SAMTOR: variants seen among roughly 807,000 people sequenced by gnomAD.
SAMTOR encodes the protein UPF0532 protein C7orf60.
At chr7:112,916,089 C>A in the SAMTOR span, among the ~76,000 whole-genome samples, 3 of 152,128 alleles carry the variant, frequency 2.0e-5, no homozygotes, top group Admixed American at 6.5e-5. Flanking sequence ...TCAAAAAAGT[C>A]AAAAACTGCC....
At chr7:112,922,729 T>C in the SAMTOR span, among the ~76,000 whole-genome samples, 1 of 146,844 alleles carries the variant, frequency 6.8e-6, no homozygotes, top group Non-Finnish European at 1.5e-5. Context: ...GCAGCCGCCC[T>C]GTCTGAGAAG....
the SAMTOR span, among the ~76,000 whole-genome samples, chr7:112,882,553 G>A: frequency 6.6e-6 from 1 of 151,958 alleles, no homozygotes; most frequent in Non-Finnish European, 1.5e-5. Context: ...GCTGGGTGTG[G>A]TGGCACGTGC....
chr7:112,859,056 G>A, the SAMTOR span, among the ~76,000 whole-genome samples: 1 of 152,112 alleles, frequency 6.6e-6, no homozygotes, highest in African/African-American at 2.4e-5. Flanking sequence ...ATCAGTTGAA[G>A]GCCTTAATAG....
At chr7:112,824,694 T>C in the SAMTOR span, among the ~76,000 whole-genome samples, 1 of 152,112 alleles carries the variant, frequency 6.6e-6, no homozygotes, top group South Asian at 2.1e-4. Flanking sequence ...TGTGGTATGG[T>C]TTGAAGTTTC....
chr7:112,847,922 T>A, the SAMTOR span, among the ~76,000 whole-genome samples: 2 of 152,184 alleles, frequency 1.3e-5, no homozygotes, highest in African/African-American at 4.8e-5. Context: ...GAGGACTGCT[T>A]GAGACCAGAA....
At chr7:112,927,812 A>G in the SAMTOR span, among the ~76,000 whole-genome samples, 4 of 152,050 alleles carry the variant, frequency 2.6e-5, no homozygotes, top group Non-Finnish European at 5.9e-5. Flanking sequence ...TAGTTATCCC[A>G]TAACATTTAA....
At chr7:112,834,971 G>A in the SAMTOR span, among the ~76,000 whole-genome samples, 1 of 152,078 alleles carries the variant, frequency 6.6e-6, no homozygotes, top group Non-Finnish European at 1.5e-5. Flanking sequence ...CCATACTCAC[G>A]TAATTTTTAT....
At chr7:112,881,566 G>A in the SAMTOR span, among the ~76,000 whole-genome samples, 1 of 152,126 alleles carries the variant, frequency 6.6e-6, no homozygotes, top group African/African-American at 2.4e-5. Context: ...AGGTCTCCTC[G>A]ACTCATTGGG....
the SAMTOR span, among the ~76,000 whole-genome samples, chr7:112,839,296 G>C: frequency 2.6e-5 from 4 of 151,854 alleles, no homozygotes; most frequent in Non-Finnish European, 5.9e-5. Flanking sequence ...AGAAAGGAAA[G>C]ATGTTTTTAC....
chr7:112,859,255 A>C, the SAMTOR span, among the ~76,000 whole-genome samples: 3 of 152,166 alleles, frequency 2.0e-5, no homozygotes, highest in African/African-American at 7.2e-5. Context: ...TGAGCCACAT[A>C]ACAACGTTTT....
the SAMTOR span, among the ~76,000 whole-genome samples, chr7:112,930,820 G>C: frequency 3.9e-5 from 6 of 152,182 alleles, no homozygotes; most frequent in Non-Finnish European, 7.3e-5. Flanking sequence ...TGAGGAAACT[G>C]AAGTAGAGCG....
the SAMTOR span, among the ~76,000 whole-genome samples, chr7:112,935,926 T>C: frequency 6.6e-6 from 1 of 152,134 alleles, no homozygotes; most frequent in Non-Finnish European, 1.5e-5. Flanking sequence ...AAAACACACA[T>C]GGCTCTACTT....
the SAMTOR span, among the ~76,000 whole-genome samples, chr7:112,859,383 G>A: frequency 2.0e-5 from 3 of 152,128 alleles, no homozygotes; most frequent in Non-Finnish European, 4.4e-5. Flanking sequence ...GGAGTTGCTG[G>A]TATAAACAAT....
At chr7:112,925,115 A>G in the SAMTOR span, among the ~76,000 whole-genome samples, 2 of 152,200 alleles carry the variant, frequency 1.3e-5, no homozygotes, top group Admixed American at 1.3e-4. Context: ...AACATCTTTC[A>G]GATGTAGTTA....
the SAMTOR span, among the ~76,000 whole-genome samples, chr7:112,931,499 T>G: frequency 6.6e-6 from 1 of 152,178 alleles, no homozygotes; most frequent in Non-Finnish European, 1.5e-5. Flanking sequence ...AGAAAAATCA[T>G]AACCAATGTC....
chr7:112,907,847 T>C, the SAMTOR span, among the ~76,000 whole-genome samples: 3 of 144,874 alleles, frequency 2.1e-5, no homozygotes, highest in Admixed American at 6.9e-5. Context: ...ACTTACTTAT[T>C]TATTTATTTA....
At chr7:112,829,265 C>T in the SAMTOR span, among the ~76,000 whole-genome samples, 2 of 152,088 alleles carry the variant, frequency 1.3e-5, no homozygotes, top group Non-Finnish European at 2.9e-5. Flanking sequence ...CAGTATGCAT[C>T]TTCACATCAC....
the SAMTOR span, chr7:112,939,246 T>C: frequency 6.7e-6 from 2 of 298,942 alleles, no homozygotes; most frequent in East Asian, 7.1e-5. Context: ...CGGCGTCTCT[T>C]GCAAAAAGCG....
chr7:112,927,311 T>C, the SAMTOR span, among the ~76,000 whole-genome samples: 18 of 152,076 alleles, frequency 1.2e-4, 1 homozygote, highest in South Asian at 4.1e-4. Flanking sequence ...TTAAAAGATA[T>C]ACTATTTAAA....
Sources: allele counts gnomAD v4.1 joint callset (sites outside exome capture counted in the v4.1 genomes callset), GRCh38; gene constraint gnomAD v4.1.1; transcripts MANE v1.5; gene names NCBI Gene and HGNC (gene_info 2026-07-23, HGNC 2026-07-21).